Variants in TRABD observed in about 807,000 individuals in gnomAD.
TRABD encodes TraB domain containing, also known as traB domain-containing protein.
In TRABD, 23 loss-of-function variants were observed where a neutral mutation model predicts 39.6. The ratio of observed to expected loss-of-function variants is 0.58; its 90% confidence interval spans 0.42 to 0.82. The LOEUF is 0.82. Among genes scored for constraint, TRABD ranks in the 40% least tolerant of loss-of-function variants. The pLI is 0.00. For missense variants in TRABD, 487 were observed against 544.9 expected, an observed-to-expected ratio of 0.89 and a Z score of 1.06; for synonymous variants, 243 against 232.1, an observed-to-expected ratio of 1.05 and a Z score of -0.43.
chr22:50,186,846 G>T (rs1033697320), intron 1 of TRABD, among the ~76,000 whole-genome samples: 1 of 152,258 alleles, frequency 6.6e-6, no homozygotes, highest in African/African-American at 2.4e-5. Flanking sequence ...TGAAGCTGCC[G>T]TGTGTCTTTG....
chr22:50,199,349 A>G lies in TRABD; in HGVS notation c.*830A>G, dbSNP rs536752210. ...TGCACCTATGTGGAAGGCCAAGGAC[A>G]TGGGCTGTGGCCAGGCCTGTCCCGC... is the stretch of plus-strand genomic sequence containing the variant. On this transcript the variant is annotated 3_prime_UTR_variant, in exon 10 of 10. Transcript: ENST00000380909. The G allele has an allele frequency of 1.9e-6, 1 of 514,320 alleles. No homozygotes were observed. The highest frequency in any genetic ancestry group is 3.5e-5 in the Admixed American group (1 of 28,660). 31.9% of individuals were successfully genotyped at this position (514,320 alleles called of 1,614,324 possible).
chr22:50,197,768 C>CCCCCCCCCCCCCCCTCT, intron 7 of TRABD, 55 bp from the exon 8 acceptor site: 1 of 1,320,234 alleles, frequency 7.6e-7, no homozygotes, highest in Non-Finnish European at 1.1e-6. Context: ...GTGCCAGCCC[C>CCCCCCCCCCCCCCCTCT]ACCCCCCCAG....
intron 1 of TRABD, among the ~76,000 whole-genome samples, chr22:50,187,489 T>C (rs1477838515): frequency 2.0e-5 from 3 of 152,240 alleles, no homozygotes; most frequent in Non-Finnish European, 4.4e-5. Context: ...AACCTGGGCT[T>C]TCTGAGCCGG....
intron 1 of TRABD, chr22:50,192,024 A>G (rs895781180): frequency 1.1e-4 from 16 of 152,280 alleles, no homozygotes; most frequent in Admixed American, 6.5e-4. Context: ...TGGCCCCCCA[A>G]AGTGCTGGGA....
chr22:50,191,512 G>A (rs1348319345), intron 1 of TRABD, among the ~76,000 whole-genome samples: 1 of 152,198 alleles, frequency 6.6e-6, no homozygotes, highest in Non-Finnish European at 1.5e-5. Flanking sequence ...ATTGCTCATT[G>A]TTCCTTTTTC....
rs759455443 is a variant in TRABD, at chr22:50,198,450, G to A, written c.1062G>A (p.Ala354=). ...YSLYWMGRRT[A]SLVLSLPAAQ... ...TGTACTGGATGGGCCGCCGCACCGC[G>A]AGCCTGGTCCTGTCGCTGCCCGCCG... is the stretch of plus-strand genomic sequence containing the variant. Residue 354 remains alanine, a synonymous_variant, in exon 10 of 10, where the codon GCG becomes GCA. Transcript: ENST00000380909. This position sits in a 1 kb window ranked among gnomAD's most constrained non-coding sequence, Gnocchi z 7.9. 1.6e-5 allele frequency: 26 copies of A among 1,595,222 alleles called. No homozygotes were observed. The highest frequency in any genetic ancestry group is 6.7e-5 in the East Asian group (3 of 44,518).
chr22:50,188,538 G>A (rs989980321), intron 1 of TRABD, among the ~76,000 whole-genome samples: 3 of 152,180 alleles, frequency 2.0e-5, no homozygotes, highest in African/African-American at 7.2e-5. Context: ...ACGGGCCCCC[G>A]CGGCGTCCTT....
intron 4 of TRABD, 101 bp downstream of exon 4, chr22:50,194,607 G>T (rs756514532): frequency 2.0e-6 from 3 of 1,495,394 alleles, no homozygotes; most frequent in Non-Finnish European, 2.7e-6. Context: ...CCGTGTGTGC[G>T]CACCGCAGGC....
intron 1 of TRABD, among the ~76,000 whole-genome samples, chr22:50,190,369 A>G (rs1478751527): frequency 6.6e-6 from 1 of 152,034 alleles, no homozygotes; most frequent in South Asian, 2.1e-4. Context: ...TGGGGTCAGG[A>G]CCAGCGCCTG....
In TRABD at chr22:50,198,115, C is replaced by T. The variant is rs201079831; in HGVS notation, c.885C>T (p.Val295=). Reference sequence around the variant, plus strand: ...GCGTCCCCTCCGTGGTCGTGGGCGTCGTGGGCATGGGCCACGTGCCTGGCA... The same window carrying T: ...GCGTCCCCTCCGTGGTCGTGGGCGTTGTGGGCATGGGCCACGTGCCTGGCA... The part of the protein sequence containing the change: ...RKCVPSVVVG[V]VGMGHVPGIE... Residue 295 remains valine, a synonymous_variant, in exon 9 of 10, where the codon GTC becomes GTT. Transcript: ENST00000380909. This position sits in a 1 kb window ranked among gnomAD's most constrained non-coding sequence, Gnocchi z 7.9. 536 of 1,612,724 alleles carry T rather than the reference C, an allele frequency of 3.3e-4. 1 individual carries two copies. The highest frequency in any genetic ancestry group is 1.8e-4 in the Non-Finnish European group (213 of 1,179,778).
rs1446828532 is a variant in TRABD, at chr22:50,197,267, G to C, written c.447G>C (p.Gln149His). The change falls in exon 6 of 10, where the codon CAG becomes CAC. Residue 149 changes from glutamine (Q) to histidine (H), a missense_variant. Physicochemically the swap from Gln to His is conservative, Grantham distance 24. Around this residue, in one of 3 missense-constraint regions of TRABD, gnomAD observed 358 missense variants for 414.7 expected, o/e 0.86. Coordinates refer to ENST00000380909, the MANE Select transcript of TRABD (RefSeq NM_001320485.2). ...ACGGGCTCATGTCGGGGCTGATGCAGATGCTGCTGCTGAAGGTGTCTGCAC... is the reference window on the plus strand; with the variant it reads ...ACGGGCTCATGTCGGGGCTGATGCACATGCTGCTGCTGAAGGTGTCTGCAC... ...RQNGLMSGLM[Q>H]MLLLKVSAHI... 6.2e-7 allele frequency: 1 copy of C among 1,613,512 alleles called. No individual in the cohort carries two copies. Among genetic ancestry groups the C allele is most frequent in the African/African-American group, 1.3e-5 (1 of 74,906 alleles).
At chr22:50,192,791 G>A (rs1055059705) in intron 1 of TRABD, among the ~76,000 whole-genome samples, 5 of 152,258 alleles carry the variant, frequency 3.3e-5, no homozygotes, top group African/African-American at 4.8e-5. Flanking sequence ...GCCCGTCTGC[G>A]TTTGGTTTAT....
chr22:50,197,964 G>A lies in TRABD; in HGVS notation c.813G>A (p.Ala271=), dbSNP rs145839914. The A allele has an allele frequency of 6.3e-5, 101 of 1,612,432 alleles. No individual in the cohort carries two copies. The highest frequency in any genetic ancestry group is 9.3e-5 in the African/African-American group (7 of 74,912). ...VYLTYMLRQA[A]RRLELPRASD... is the part of the protein sequence containing the mutation. ...TAACCTACATGCTGCGCCAGGCCGCGCGGCGCCTCGAGCTGCCTCGGGCCT... is the reference window on the plus strand; with the variant it reads ...TAACCTACATGCTGCGCCAGGCCGCACGGCGCCTCGAGCTGCCTCGGGCCT... Residue 271 remains alanine (A), a synonymous_variant, in exon 8 of 10, where the codon GCG becomes GCA. Transcript: ENST00000380909.
intron 1 of TRABD, among the ~76,000 whole-genome samples, chr22:50,190,431 G>A (rs1219748605): frequency 1.3e-5 from 2 of 152,168 alleles, no homozygotes; most frequent in African/African-American, 4.8e-5. Context: ...ACCCTAGGCC[G>A]GCCTCAGAGG....
At position 50,195,022 on chromosome 22, in the gene TRABD, G is replaced by A. The variant is rs769826432; in HGVS notation, c.402G>A (p.Leu134=). ...REAQELSLEK[L]QQAVRQNGLM... ...CCCAGGAGCTCAGCCTGGAGAAGCT[G>A]CAGCAGGCCGTGAGGCAGGTGCGCA... The change falls in exon 5 of 10, where the codon CTG becomes CTA. Residue 134 remains leucine, a synonymous_variant. Coordinates refer to ENST00000380909, the MANE Select transcript of TRABD (RefSeq NM_001320485.2). 6.2e-7 allele frequency: 1 copy of A among 1,601,186 alleles called. No individual in the cohort carries two copies. The highest frequency in any genetic ancestry group is 1.3e-5 in the African/African-American group (1 of 74,710).
At chr22:50,186,834 C>T (rs2063772369) in intron 1 of TRABD, among the ~76,000 whole-genome samples, 1 of 152,250 alleles carries the variant, frequency 6.6e-6, no homozygotes, top group African/African-American at 2.4e-5. Context: ...ACTGAGCTAT[C>T]ATGAAGCTGC....
intron 3 of TRABD, 84 bp from the exon 4 acceptor site, chr22:50,194,256 G>A: frequency 6.6e-7 from 1 of 1,522,278 alleles, no homozygotes; most frequent in Admixed American, 2.1e-5. Context: ...AACCCAGGAG[G>A]GTTCTAGAGC....
At position 50,197,554 on chromosome 22, in the gene TRABD, G is replaced by T; in HGVS notation, c.637G>T (p.Ala213Ser). The change falls in exon 7 of 10, where the codon GCT (alanine) becomes TCT (serine). Residue 213 changes from alanine (A) to serine (S), a missense_variant. This residue lies in a region of TRABD where 358 missense variants were observed against 414.7 expected (regional missense o/e 0.86). Coordinates refer to ENST00000380909, the MANE Select transcript of TRABD (RefSeq NM_001320485.2). ...ALSFWQKVRLAWGLCFLSDPI... is the reference protein window; with the variant it reads ...ALSFWQKVRLSWGLCFLSDPI... ...CTCCTTCTGGCAGAAGGTCAGGCTG[G>T]CTTGGGGCCTGTGCTTCCTGTCAGA... 6.2e-7 allele frequency: 1 copy of T among 1,613,456 alleles called. No homozygotes were observed. The highest frequency in any genetic ancestry group is 8.5e-7 in the Non-Finnish European group (1 of 1,180,018).
intron 3 of TRABD, 31 bp from the exon 4 acceptor site, chr22:50,194,309 G>C (rs1292843369): frequency 1.2e-6 from 2 of 1,600,836 alleles, no homozygotes; most frequent in East Asian, 4.5e-5. Context: ...GGGTGGGCCC[G>C]GCACCACAAC....
Sources: allele counts gnomAD v4.1 joint callset (sites outside exome capture counted in the v4.1 genomes callset), GRCh38; gene constraint gnomAD v4.1.1; regional missense constraint gnomAD v4.1.1; non-coding constraint Gnocchi (gnomAD v3.1); transcripts MANE v1.5; gene names NCBI Gene and HGNC (gene_info 2026-07-23, HGNC 2026-07-21).